Variants in ASAP1 observed in about 807,000 individuals in gnomAD.
The protein encoded by ASAP1 is ArfGAP with SH3 domain, ankyrin repeat and PH domain 1.
A neutral mutation model predicts 145.2 loss-of-function variants in ASAP1; 43 were observed. That is an observed-to-expected ratio of 0.30 (90% CI 0.23 to 0.38). The LOEUF (loss-of-function observed/expected upper bound fraction) is 0.38, where lower values mean the gene tolerates loss of function less well. Among genes scored for constraint, ASAP1 ranks in the 10% least tolerant of loss-of-function variants. The pLI, the probability that ASAP1 is intolerant of heterozygous loss-of-function variation, is 1.00. For missense variants in ASAP1, 1,018 were observed against 1,355.3 expected, an observed-to-expected ratio of 0.75 and a Z score of 3.91; for synonymous variants, 546 against 515.5, an observed-to-expected ratio of 1.06 and a Z score of -0.80.
chr8:130,125,901 T>C, intron 17 of ASAP1, 55 bp downstream of exon 17: 1 of 1,532,066 alleles, frequency 6.5e-7, no homozygotes, highest in South Asian at 1.3e-5. Flanking sequence ...AAACAATATA[T>C]TAAAATTACT....
intron 3 of ASAP1, among the ~76,000 whole-genome samples, chr8:130,311,807 T>C (rs965790985): frequency 7.3e-5 from 11 of 149,756 alleles, no homozygotes; most frequent in Non-Finnish European, 1.2e-4. Flanking sequence ...TACTTATAAT[T>C]ATAGAAAGCA....
At chr8:130,080,877 C>T (rs1228807608) in intron 25 of ASAP1, among the ~76,000 whole-genome samples, 1 of 152,228 alleles carries the variant, frequency 6.6e-6, no homozygotes, top group Non-Finnish European at 1.5e-5. Flanking sequence ...CGGTGATCCA[C>T]CTGCCTCGGC....
intron 25 of ASAP1, among the ~76,000 whole-genome samples, chr8:130,091,587 G>A (rs957356524): frequency 1.3e-5 from 2 of 152,202 alleles, no homozygotes; most frequent in African/African-American, 4.8e-5. Context: ...GGGTGTTAAG[G>A]AGAAAAGTGA....
At chr8:130,254,431 C>A (rs536118004) in intron 3 of ASAP1, among the ~76,000 whole-genome samples, 1 of 152,248 alleles carries the variant, frequency 6.6e-6, no homozygotes, top group Non-Finnish European at 1.5e-5. Context: ...GTAAGACTTG[C>A]ATAAATGATA....
At chr8:130,136,809 TC>T in intron 14 of ASAP1, 141 bp downstream of exon 14, 1 of 716,144 alleles carries the variant, frequency 1.4e-6, no homozygotes, top group Non-Finnish European at 2.4e-6. Context: ...TGGGGCATCT[TC>T]CTAGAGCAGC....
chr8:130,422,276 G>A (rs915906886), intron 1 of ASAP1, among the ~76,000 whole-genome samples: 3 of 152,192 alleles, frequency 2.0e-5, no homozygotes, highest in East Asian at 3.8e-4. Context: ...AGATGAAGCC[G>A]ATGAGGACTC....
intron 1 of ASAP1, among the ~76,000 whole-genome samples, chr8:130,415,553 T>C (rs7839088): frequency 0.96 from 146,034 of 152,212 alleles, 70,270 homozygotes; most frequent in Non-Finnish European, 1. Flanking sequence ...TTTGGGAGGC[T>C]GAGGCTGGTG....
chr8:130,312,659 G>A (rs1823430144), intron 3 of ASAP1, among the ~76,000 whole-genome samples: 1 of 152,116 alleles, frequency 6.6e-6, no homozygotes, highest in African/African-American at 2.4e-5. Flanking sequence ...GGAAAACAAG[G>A]CTAAAGGAAA....
At chr8:130,171,227 C>T (rs988699457) in intron 9 of ASAP1, among the ~76,000 whole-genome samples, 1 of 152,186 alleles carries the variant, frequency 6.6e-6, no homozygotes, top group African/African-American at 2.4e-5. Flanking sequence ...CCCACTTCAG[C>T]CTTTGCATAT....
intron 1 of ASAP1, among the ~76,000 whole-genome samples, chr8:130,421,990 G>A (rs1481172806): frequency 6.6e-6 from 1 of 152,216 alleles, no homozygotes; most frequent in Non-Finnish European, 1.5e-5. Flanking sequence ...GGGGGAGACA[G>A]AGGTATGAAC....
chr8:130,417,138 C>T (rs1259005276), intron 1 of ASAP1, among the ~76,000 whole-genome samples: 1 of 152,014 alleles, frequency 6.6e-6, no homozygotes, highest in Non-Finnish European at 1.5e-5. Flanking sequence ...CAACTGCACA[C>T]AGAAATACAA....
intron 25 of ASAP1, among the ~76,000 whole-genome samples, chr8:130,080,587 T>C (rs947842600): frequency 2.0e-5 from 3 of 151,666 alleles, no homozygotes; most frequent in Non-Finnish European, 4.4e-5. Context: ...GTGTTCCTCC[T>C]GTCCAGCATC....
intron 1 of ASAP1, among the ~76,000 whole-genome samples, chr8:130,439,397 G>A (rs985798019): frequency 1.8e-4 from 27 of 152,204 alleles, no homozygotes; most frequent in African/African-American, 5.8e-4. Flanking sequence ...ATTTGTTACC[G>A]CAGCAATAAG....
intron 2 of ASAP1, among the ~76,000 whole-genome samples, chr8:130,401,339 G>A (rs1220182430): frequency 6.6e-6 from 1 of 152,046 alleles, no homozygotes; most frequent in Non-Finnish European, 1.5e-5. Context: ...TTTGCCTCCT[G>A]GGTTCAAGCA....
chr8:130,275,946 G>A (rs949147973), intron 3 of ASAP1, among the ~76,000 whole-genome samples: 1 of 152,154 alleles, frequency 6.6e-6, no homozygotes, highest in Non-Finnish European at 1.5e-5. Flanking sequence ...CAGAAGTAAA[G>A]GTACTGATAA....
At chr8:130,325,679 G>C (rs1052934402) in intron 3 of ASAP1, among the ~76,000 whole-genome samples, 6 of 152,190 alleles carry the variant, frequency 3.9e-5, no homozygotes, top group Non-Finnish European at 8.8e-5. Context: ...ACAGAATGAA[G>C]TGTTATAACT....
chr8:130,058,259 C>T (rs949661056), intron 28 of ASAP1, among the ~76,000 whole-genome samples, 183 bp from the exon 29 acceptor site: 1 of 152,222 alleles, frequency 6.6e-6, no homozygotes, highest in Non-Finnish European at 1.5e-5. Flanking sequence ...GTACTCTTAA[C>T]TACAGGCCCT....
intron 3 of ASAP1, among the ~76,000 whole-genome samples, chr8:130,241,603 A>G (rs1818531790): frequency 6.6e-6 from 1 of 152,160 alleles, no homozygotes; most frequent in African/African-American, 2.4e-5. Flanking sequence ...AAATAGTTCT[A>G]GATTCAGAAA....
In ASAP1 at chr8:130,357,725, C is replaced by T. The variant is rs1826415236; in HGVS notation, c.186+292G>A. 2.0e-5 allele frequency among the ~76,000 whole-genome samples: 3 copies of T among 152,258 alleles called. 1 individual carries two copies. On this transcript the variant is annotated intron_variant, in intron 3 of 29. Coordinates refer to ENST00000518721, the MANE Select transcript of ASAP1 (RefSeq NM_018482.4). ...GTCACGAAGATGTGGAAGCGCCGAACAGTGCATGCCAGGGACAGGACTTCC... is the reference window on the plus strand; with the variant it reads ...GTCACGAAGATGTGGAAGCGCCGAATAGTGCATGCCAGGGACAGGACTTCC...
Sources: gnomAD v4.1 joint callset for allele counts (sites outside exome capture counted in the v4.1 genomes callset) on GRCh38, gnomAD v4.1.1 for gene constraint, MANE v1.5 for transcripts, NCBI Gene and HGNC (gene_info 2026-07-23, HGNC 2026-07-21) for gene names.